The following TULP4 variants were observed in gnomAD, a reference collection of about 807,000 sequenced individuals.
TULP4 encodes tubby-related protein 4.
A neutral mutation model predicts 129.0 loss-of-function variants in TULP4; 16 were observed. The ratio of observed to expected loss-of-function variants is 0.12; its 90% CI spans 0.08 to 0.19. The LOEUF is 0.19. TULP4 is among the 10% of genes least tolerant of loss of function. The pLI, the probability that TULP4 is intolerant of heterozygous loss-of-function variation, is 1.00. For missense variants in TULP4, 1,842 were observed against 2,059.1 expected, an observed-to-expected ratio of 0.89 and a Z score of 2.04; for synonymous variants, 998 against 854.0, an observed-to-expected ratio of 1.17 and a Z score of -2.94.
chr6:158,305,392 C>T (rs1779203183), intron 1 of TULP4, among the ~76,000 whole-genome samples: 1 of 149,644 alleles, frequency 6.7e-6, no homozygotes, highest in Non-Finnish European at 1.5e-5. Flanking sequence ...TTTACCCGTT[C>T]ATCCATCAGT....
At chr6:158,444,080 C>A (rs564524353) in intron 3 of TULP4, among the ~76,000 whole-genome samples, 1 of 151,596 alleles carries the variant, frequency 6.6e-6, no homozygotes, top group South Asian at 2.1e-4. Context: ...ATTAGCCTGG[C>A]GTGGTGGCGC....
intron 1 of TULP4, among the ~76,000 whole-genome samples, chr6:158,302,162 T>G (rs891065021): frequency 6.6e-6 from 1 of 152,142 alleles, no homozygotes; most frequent in African/African-American, 2.4e-5. Flanking sequence ...GAGCTCAAAG[T>G]AGTGAAAGCA....
chr6:158,234,934 G>A (rs1777660376), intron 1 of TULP4, among the ~76,000 whole-genome samples: 1 of 152,076 alleles, frequency 6.6e-6, no homozygotes, highest in Non-Finnish European at 1.5e-5. Flanking sequence ...TGGGAGGCTG[G>A]GGCAGATGGA....
At chr6:158,233,967 A>G (rs997993736) in intron 1 of TULP4, among the ~76,000 whole-genome samples, 1 of 152,156 alleles carries the variant, frequency 6.6e-6, no homozygotes, top group Non-Finnish European at 1.5e-5. Flanking sequence ...TCCGGAGTTA[A>G]AGTCCGTAGT....
At chr6:158,381,950 G>A (rs1399447817) in intron 1 of TULP4, among the ~76,000 whole-genome samples, 2 of 152,050 alleles carry the variant, frequency 1.3e-5, no homozygotes, top group African/African-American at 4.8e-5. Flanking sequence ...TTCCAGGTAT[G>A]TCTCTCTTAC....
intron 1 of TULP4, among the ~76,000 whole-genome samples, chr6:158,403,858 C>T (rs1054575990): frequency 2.6e-5 from 4 of 152,266 alleles, no homozygotes; most frequent in East Asian, 3.9e-4. Flanking sequence ...CACTTGTGTG[C>T]GTGTGTGGCG....
At chr6:158,485,072 A>G (rs1214544334) in intron 8 of TULP4, among the ~76,000 whole-genome samples, 1 of 152,196 alleles carries the variant, frequency 6.6e-6, no homozygotes, top group Non-Finnish European at 1.5e-5. Flanking sequence ...GAAATGAGGA[A>G]CATACTGAAA....
intron 2 of TULP4, among the ~76,000 whole-genome samples, chr6:158,414,121 G>A (rs1373870017): frequency 6.6e-6 from 1 of 152,198 alleles, no homozygotes; most frequent in Middle Eastern, 3.2e-3. Flanking sequence ...TTAGCAGGCC[G>A]AGGATTTCTG....
chr6:158,402,451 C>T (rs1287980747), intron 1 of TULP4, among the ~76,000 whole-genome samples: 1 of 152,208 alleles, frequency 6.6e-6, no homozygotes, highest in African/African-American at 2.4e-5. Flanking sequence ...ACTGTCATTA[C>T]TGTTACAAAA....
chr6:158,435,528 G>A (rs1051157578), intron 3 of TULP4, among the ~76,000 whole-genome samples: 1 of 152,100 alleles, frequency 6.6e-6, no homozygotes, highest in South Asian at 2.1e-4. Context: ...TACATGGCAT[G>A]CCTTTCCATC....
At chr6:158,336,662 T>C (rs1000416068) in intron 1 of TULP4, among the ~76,000 whole-genome samples, 7 of 152,192 alleles carry the variant, frequency 4.6e-5, no homozygotes, top group Admixed American at 2.0e-4. Flanking sequence ...ATCAAGCACT[T>C]TGAGACCTGC....
chr6:158,385,481 A>G (rs976477972), intron 1 of TULP4, among the ~76,000 whole-genome samples: 1 of 152,200 alleles, frequency 6.6e-6, no homozygotes, highest in Admixed American at 6.5e-5. Flanking sequence ...TTTCAGGCGA[A>G]TAAATGCGTC....
chr6:158,379,379 C>T (rs377489198), intron 1 of TULP4, among the ~76,000 whole-genome samples: 10 of 152,170 alleles, frequency 6.6e-5, no homozygotes, highest in East Asian at 5.8e-4. Flanking sequence ...AAGCACTAAA[C>T]GCTAGAGTGC....
upstream of TULP4, among the ~76,000 whole-genome samples, chr6:158,309,736 C>T (rs541398873): frequency 1.7e-3 from 258 of 152,162 alleles, 1 homozygote; most frequent in Non-Finnish European, 3.0e-3. Flanking sequence ...CAAAAAAATA[C>T]GAAAACCAGT....
intron 1 of TULP4, among the ~76,000 whole-genome samples, chr6:158,268,182 T>C (rs1427494330): frequency 6.6e-6 from 1 of 151,826 alleles, no homozygotes; most frequent in Admixed American, 6.6e-5. Context: ...ATTACAGGCA[T>C]GCACCACCAC....
chr6:158,310,227 A>C (rs985843093), upstream of TULP4: 5 of 153,136 alleles, frequency 3.3e-5, no homozygotes, highest in African/African-American at 1.2e-4. Flanking sequence ...GTGAGGCCTC[A>C]GGAAGCTTAC....
In TULP4 at chr6:158,419,736, A is replaced by G. The variant is rs116198608; in HGVS notation, c.381+6543A>G. 1.8e-3 allele frequency among the ~76,000 whole-genome samples: 271 copies of G among 152,358 alleles called. 2 individuals are homozygous for G. The highest frequency in any genetic ancestry group is 6.1e-3 in the African/African-American group (253 of 41,592). Reference sequence around the variant, plus strand: ...AGACAAAGTATTATTTGGTTCGTAGAAGACAGAAAGGATTATTTGGTAAGC... The same window carrying G: ...AGACAAAGTATTATTTGGTTCGTAGGAGACAGAAAGGATTATTTGGTAAGC... On this transcript the variant is annotated intron_variant, in intron 2 of 13. Coordinates refer to ENST00000367097, the MANE Select transcript of TULP4 (RefSeq NM_020245.5).
intron 1 of TULP4, among the ~76,000 whole-genome samples, chr6:158,243,076 C>T (rs1250682323): frequency 6.6e-6 from 1 of 152,098 alleles, no homozygotes; most frequent in Non-Finnish European, 1.5e-5. Context: ...CGTGAGCCAC[C>T]GCACCCGGCC....
chr6:158,320,015 A>G (rs978915834), intron 1 of TULP4, among the ~76,000 whole-genome samples: 1 of 152,202 alleles, frequency 6.6e-6, no homozygotes, highest in African/African-American at 2.4e-5. Context: ...AGCCAAACCA[A>G]CTTTTCCCAA....
Sources: allele counts gnomAD v4.1 joint callset (sites outside exome capture counted in the v4.1 genomes callset), GRCh38; gene constraint gnomAD v4.1.1; transcripts MANE v1.5; gene names NCBI Gene and HGNC (gene_info 2026-07-23, HGNC 2026-07-21).